The following SNTG1 variants were observed in gnomAD, a reference collection of about 807,000 sequenced individuals.
The protein encoded by SNTG1 is gamma-1-syntrophin.
SNTG1 carries 39 observed loss-of-function variants against 74.7 expected under a neutral mutation model. The ratio of observed to expected loss-of-function variants is 0.52; its 90% CI spans 0.40 to 0.68. SNTG1 has a LOEUF of 0.68. Among genes scored for constraint, SNTG1 ranks in the 30% least tolerant of loss-of-function variants. The pLI is 0.00. For synonymous variants in SNTG1, 254 were observed against 217.1 expected (o/e 1.17, Z -1.49); for missense variants, 685 against 609.5 (o/e 1.12, Z -1.30).
chr8:50,223,154 GA>G (rs1440384256), intron 2 of SNTG1, among the ~76,000 whole-genome samples: 1 of 152,076 alleles, frequency 6.6e-6, no homozygotes, highest in Non-Finnish European at 1.5e-5. Flanking sequence ...ATATCAAGGG[GA>G]GGGTGATGAG....
chr8:50,224,929 C>CTGAT (rs1372841271), intron 2 of SNTG1, among the ~76,000 whole-genome samples: 1 of 152,072 alleles, frequency 6.6e-6, no homozygotes, highest in African/African-American at 2.4e-5. Context: ...AGGCTTTTTC[C>CTGAT]TGATAAAGGA....
In SNTG1 at chr8:50,498,022, A is replaced by C. The variant is rs149848300; in HGVS notation, c.364-4756A>C. Among the ~76,000 whole-genome samples, 28 of 151,988 alleles carry C rather than the reference A, an allele frequency of 1.8e-4. No homozygotes were observed. The East Asian group carries it at 4.3e-3, about 23-fold the overall frequency. The stretch of plus-strand genomic sequence containing the variant: ...TGTCTACCCATTTACTTTTTGATGG[A>C]CATTTGAGTTTTCTAAATTTTCTGA... On this transcript the variant is annotated intron_variant, in intron 8 of 18. Coordinates refer to ENST00000642720, the MANE Select transcript of SNTG1 (RefSeq NM_018967.5).
chr8:50,263,508 AC>A (rs2087302152), intron 2 of SNTG1, among the ~76,000 whole-genome samples: 1 of 152,180 alleles, frequency 6.6e-6, no homozygotes, highest in Non-Finnish European at 1.5e-5. Flanking sequence ...GTAAATTGAA[AC>A]TAAAATGACA....
intron 5 of SNTG1, among the ~76,000 whole-genome samples, chr8:50,439,868 ACT>A (rs1475160411): frequency 6.6e-6 from 1 of 151,068 alleles, no homozygotes; most frequent in Non-Finnish European, 1.5e-5. Flanking sequence ...CCAGGCACTA[ACT>A]CTATTTCTGG....
chr8:50,706,018 A>G (rs1212851083), intron 16 of SNTG1, among the ~76,000 whole-genome samples: 1 of 152,232 alleles, frequency 6.6e-6, no homozygotes, highest in Non-Finnish European at 1.5e-5. Flanking sequence ...GGATTGTTGG[A>G]TACATATATT....
intron 13 of SNTG1, among the ~76,000 whole-genome samples, chr8:50,623,452 A>G (rs753784586): frequency 8.5e-5 from 13 of 152,136 alleles, no homozygotes; most frequent in Non-Finnish European, 1.8e-4. Context: ...TAGTTGATTT[A>G]TATAAAAACA....
intron 18 of SNTG1, among the ~76,000 whole-genome samples, chr8:50,780,334 G>T (rs746748357): frequency 3.9e-5 from 6 of 152,048 alleles, no homozygotes; most frequent in African/African-American, 1.4e-4. Context: ...CTCTGGTCCT[G>T]GACTCTTTTT....
rs2093036588 is a variant in SNTG1, at chr8:50,418,103, C to T, written c.162+15759C>T. Among the ~76,000 whole-genome samples, 10 of 152,124 alleles carry T rather than the reference C, an allele frequency of 6.6e-5. No homozygotes were observed. In the South Asian group the frequency reaches 2.1e-3, roughly 32 times the overall value. On this transcript the variant is annotated intron_variant, in intron 4 of 18. Transcript: ENST00000642720. ...TCTCTCTTGGCCCGAAATTCTCCTC[C>T]AGCATCCACTGCATTTCTCTGCTTC...
intron 13 of SNTG1, among the ~76,000 whole-genome samples, chr8:50,656,054 A>G (rs2095178405): frequency 6.6e-6 from 1 of 152,180 alleles, no homozygotes; most frequent in South Asian, 2.1e-4. Context: ...TGAGCCAAAA[A>G]AAGAAAAAAA....
At chr8:50,698,506 A>T (rs1412413385) in intron 15 of SNTG1, among the ~76,000 whole-genome samples, 2 of 152,020 alleles carry the variant, frequency 1.3e-5, no homozygotes, top group Non-Finnish European at 2.9e-5. Context: ...AGATGGGGTG[A>T]GCCTGGTTCC....
chr8:49,963,231 G>T (rs943163136), intron 1 of SNTG1, among the ~76,000 whole-genome samples: 1 of 152,124 alleles, frequency 6.6e-6, no homozygotes, highest in South Asian at 2.1e-4. Context: ...GAAGCAAAGC[G>T]CCAAGACATC....
intron 1 of SNTG1, among the ~76,000 whole-genome samples, chr8:50,154,593 C>T (rs779959535): frequency 6.6e-6 from 1 of 152,192 alleles, no homozygotes; most frequent in Non-Finnish European, 1.5e-5. Context: ...TAAGTCCTGT[C>T]GTTCCTCAAA....
chr8:50,216,645 G>T (rs980729390), intron 2 of SNTG1, among the ~76,000 whole-genome samples: 8 of 152,214 alleles, frequency 5.3e-5, no homozygotes, highest in African/African-American at 1.9e-4. Context: ...TCTGGGTCTA[G>T]AATATGGTAA....
chr8:50,037,820 C>A (rs571401533), intron 1 of SNTG1, among the ~76,000 whole-genome samples: 1 of 152,228 alleles, frequency 6.6e-6, no homozygotes, highest in South Asian at 2.1e-4. Context: ...CGTAATAAAT[C>A]ATAATTAAAG....
At chr8:50,615,732 T>C (rs1367589392) in intron 13 of SNTG1, among the ~76,000 whole-genome samples, 2 of 152,140 alleles carry the variant, frequency 1.3e-5, no homozygotes, top group African/African-American at 2.4e-5. Flanking sequence ...ACATGTTAAA[T>C]ACGTAACTGA....
At chr8:50,204,291 A>G (rs1392757323) in intron 2 of SNTG1, among the ~76,000 whole-genome samples, 1 of 152,110 alleles carries the variant, frequency 6.6e-6, no homozygotes, top group Non-Finnish European at 1.5e-5. Context: ...TATAGTACAT[A>G]TCTTTTTTTT....
intron 17 of SNTG1, among the ~76,000 whole-genome samples, chr8:50,750,977 T>G (rs2095565990): frequency 6.6e-6 from 1 of 152,052 alleles, no homozygotes; most frequent in African/African-American, 2.4e-5. Context: ...AGACATATAC[T>G]CTGTTCTTTC....
intron 13 of SNTG1, among the ~76,000 whole-genome samples, chr8:50,636,423 A>G (rs2095039657): frequency 6.6e-6 from 1 of 152,038 alleles, no homozygotes; most frequent in Admixed American, 6.5e-5. Flanking sequence ...GCACTTTGGC[A>G]CACGGTAGTA....
chr8:50,283,256 G>T (rs1269320260), intron 2 of SNTG1, among the ~76,000 whole-genome samples: 1 of 152,192 alleles, frequency 6.6e-6, no homozygotes, highest in Non-Finnish European at 1.5e-5. Flanking sequence ...GCTTTTCCAT[G>T]AGAGTTCAGG....
Sources: allele counts gnomAD v4.1 joint callset (sites outside exome capture counted in the v4.1 genomes callset), GRCh38; gene constraint gnomAD v4.1.1; transcripts MANE v1.5; gene names NCBI Gene and HGNC (gene_info 2026-07-23, HGNC 2026-07-21).